Variants in UBE2O observed in about 807,000 individuals in gnomAD.
The protein encoded by UBE2O is (E3-independent) E2 ubiquitin-conjugating enzyme.
A neutral mutation model predicts 125.8 loss-of-function variants in UBE2O; 15 were observed. The ratio of observed to expected loss-of-function variants is 0.12; its 90% CI spans 0.08 to 0.18. UBE2O has a LOEUF of 0.18. UBE2O is among the 10% of genes least tolerant of loss of function. The pLI, the probability that UBE2O is intolerant of heterozygous loss-of-function variation, is 1.00. For missense variants in UBE2O, 1,280 were observed against 1,723.6 expected (o/e 0.74, Z 4.56); for synonymous variants, 708 against 703.2 (o/e 1.01, Z -0.11).
intron 1 of UBE2O, among the ~76,000 whole-genome samples, chr17:76,409,065 T>A (rs998375935): frequency 2.0e-5 from 3 of 151,294 alleles, no homozygotes; most frequent in Non-Finnish European, 2.9e-5. Flanking sequence ...GCCTCCCGGG[T>A]TCACGCCATC....
chr17:76,423,865 A>G (rs1376964897), intron 1 of UBE2O, among the ~76,000 whole-genome samples: 2 of 145,200 alleles, frequency 1.4e-5, no homozygotes, highest in Non-Finnish European at 3.0e-5. Flanking sequence ...TCTTCACACC[A>G]GGTGGCTCTC....
intron 1 of UBE2O, among the ~76,000 whole-genome samples, chr17:76,444,167 G>A (rs968705531): frequency 3.3e-5 from 5 of 152,212 alleles, no homozygotes; most frequent in African/African-American, 1.2e-4. Flanking sequence ...GTTGCAGTGA[G>A]CCAAGGTTGC....
chr17:76,394,177 C>T (rs760677574), intron 15 of UBE2O, among the ~76,000 whole-genome samples: 12 of 152,124 alleles, frequency 7.9e-5, no homozygotes, highest in African/African-American at 2.4e-5. Context: ...CTTGGCTGCT[C>T]TCAGGATCGC....
chr17:76,396,317 C>T lies in UBE2O; in HGVS notation c.2620G>A (p.Val874Ile). Residue 874 changes from valine (V) to isoleucine (I), a missense_variant, in exon 14 of 18, where the codon GTA becomes ATA. Val to Ile is a conservative substitution (Grantham distance 29). Coordinates refer to ENST00000319380, the MANE Select transcript of UBE2O (RefSeq NM_022066.4). This position sits in a 1 kb window ranked among gnomAD's most constrained non-coding sequence, Gnocchi z 6.7. ...LKKTLDNVAI[V>I]EEEKMEAVPD... ...ACTGCTTCCATCTTCTCCTCCTCTA[C>T]AATGGCCACATTGTCCAGGGTCTTC... is the stretch of plus-strand genomic sequence containing the variant. 1 of 1,614,250 alleles carries T rather than the reference C, an allele frequency of 6.2e-7. No individual in the cohort carries two copies. Among genetic ancestry groups the T allele is most frequent in the Non-Finnish European group, 8.5e-7 (1 of 1,180,048 alleles).
chr17:76,396,631 G>C lies in UBE2O; in HGVS notation c.2306C>G (p.Pro769Arg). 6.2e-7 allele frequency: 1 copy of C among 1,613,202 alleles called. No individual in the cohort carries two copies. The change falls in exon 14 of 18, where the codon CCT (proline) becomes CGT (arginine). Residue 769 changes from proline to arginine, a missense_variant. Coordinates refer to ENST00000319380, the MANE Select transcript of UBE2O (RefSeq NM_022066.4). The surrounding 1 kb of genome is among the most constrained non-coding windows in gnomAD (Gnocchi z 6.7). ...PIPPLEQPVA[P>R]EDKGVVISEE... Reference sequence around the variant, plus strand: ...ACTGATCACCACTCCCTTGTCCTCAGGGGCCACCGGCTGCTCCAGGGGTGG... The same window carrying C: ...ACTGATCACCACTCCCTTGTCCTCACGGGCCACCGGCTGCTCCAGGGGTGG...
intron 1 of UBE2O, among the ~76,000 whole-genome samples, chr17:76,436,794 G>A (rs933113267): frequency 2.6e-5 from 4 of 152,156 alleles, no homozygotes; most frequent in Non-Finnish European, 5.9e-5. Context: ...TTAGGACAGA[G>A]TATAAAATGG....
intron 1 of UBE2O, among the ~76,000 whole-genome samples, chr17:76,415,868 T>TACATACAC (rs2072595465): frequency 6.6e-5 from 10 of 151,742 alleles, no homozygotes; most frequent in Admixed American, 6.6e-4. Flanking sequence ...TATACATACA[T>TACATACAC]GTATATACAA....
At chr17:76,418,202 A>AT (rs752465640) in intron 1 of UBE2O, among the ~76,000 whole-genome samples, 4 of 152,200 alleles carry the variant, frequency 2.6e-5, no homozygotes, top group Non-Finnish European at 4.4e-5. Flanking sequence ...CCTTCTGACA[A>AT]TGTTTTCTAT....
At chr17:76,429,541 C>CA (rs61081315) in intron 1 of UBE2O, among the ~76,000 whole-genome samples, 22,896 of 71,748 alleles carry the variant, frequency 0.32, 4,143 homozygotes, top group Non-Finnish European at 0.42. Flanking sequence ...GACTCTGTCT[C>CA]AAAAAAAAAA....
rs1238361677 is a variant in UBE2O, at chr17:76,446,461, AC to A, written c.417+6263del. 6.7e-5 allele frequency among the ~76,000 whole-genome samples: 8 copies of A among 119,140 alleles called. No homozygotes were observed. In the East Asian group the frequency reaches 2.1e-3, roughly 32 times the overall value. The allele number at this position is 119,140 out of a possible 152,430, so 78.2% of individuals were successfully genotyped here. A position where few individuals can be genotyped will look rare whatever the true frequency, so the allele number is the denominator to read the frequency against. On this transcript the variant is annotated intron_variant, in intron 1 of 17. Coordinates refer to ENST00000319380, the MANE Select transcript of UBE2O (RefSeq NM_022066.4). ...CAGGAAAATGAAAAAACAAAAACAA[AC>A]AAAAAAAAAAACCAAACAAACAAAA...
Position 76,402,518 on chromosome 17 carries a change from C to A in UBE2O, c.686+84G>T. ...CTTGATCAAACCTGTCATCACTGTC[C>A]CCAGGAGGAAACACCCTCCTCCTCC... is the stretch of plus-strand genomic sequence containing the variant. On this transcript the variant is annotated intron_variant, in intron 4 of 17. Transcript: ENST00000319380. The surrounding 1 kb of genome is among the most constrained non-coding windows in gnomAD (Gnocchi z 5.4). 8.4e-7 allele frequency: 1 copy of A among 1,184,928 alleles called. No homozygotes were observed. The highest frequency in any genetic ancestry group is 1.3e-6 in the Non-Finnish European group (1 of 793,180). 73.4% of individuals were successfully genotyped at this position (1,184,928 alleles called of 1,614,324 possible).
intron 1 of UBE2O, among the ~76,000 whole-genome samples, chr17:76,438,016 C>T (rs1454244979): frequency 1.6e-4 from 25 of 152,122 alleles, no homozygotes; most frequent in Admixed American, 1.6e-3. Context: ...ATCTCCCTCC[C>T]CACTCCTCTG....
Position 76,398,634 on chromosome 17 carries a change from G to A in UBE2O, c.1784-50C>T, listed in dbSNP as rs1030963163. The A allele has an allele frequency of 5.7e-6, 9 of 1,582,800 alleles. No homozygotes were observed. Among genetic ancestry groups the A allele is most frequent in the Non-Finnish European group, 7.8e-6 (9 of 1,154,206 alleles). On this transcript the variant is annotated intron_variant, in intron 10 of 17. Coordinates refer to ENST00000319380, the MANE Select transcript of UBE2O (RefSeq NM_022066.4). The surrounding 1 kb of genome is among the most constrained non-coding windows in gnomAD (Gnocchi z 5.4). ...GACTAGCTAAGGGATCCCGGCTAAG[G>A]AGCCCACATCTCAAGCCAGTGCAGA... is the stretch of plus-strand genomic sequence containing the variant.
At chr17:76,428,211 G>A (rs76160849) in intron 1 of UBE2O, among the ~76,000 whole-genome samples, 4,741 of 152,186 alleles carry the variant, frequency 0.031, 112 homozygotes, top group South Asian at 0.08. Flanking sequence ...TATGTGACCC[G>A]TTTTTGCTCT....
At chr17:76,411,512 G>A (rs912285393) in intron 1 of UBE2O, among the ~76,000 whole-genome samples, 3 of 152,182 alleles carry the variant, frequency 2.0e-5, no homozygotes, top group African/African-American at 7.2e-5. Context: ...GGGCCTGCAT[G>A]GAGCCTAAGC....
rs2143726416 is a variant in UBE2O at position 76,404,653 on chromosome 17, C to G, written c.588+553G>C. 1.3e-5 allele frequency among the ~76,000 whole-genome samples: 2 copies of G among 152,296 alleles called. No homozygotes were observed. The highest frequency in any genetic ancestry group is 2.9e-5 in the Non-Finnish European group (2 of 68,018). ...ATCTGGGGGTTATATGGTGGTTGCA[C>G]AGGAGGCTGTCCTCATTTTTGGAAA... On this transcript the variant is annotated intron_variant, in intron 3 of 17. Coordinates refer to ENST00000319380, the MANE Select transcript of UBE2O (RefSeq NM_022066.4). The surrounding 1 kb of genome is among the most constrained non-coding windows in gnomAD (Gnocchi z 4.3).
rs2072353460 is a variant in UBE2O, at chr17:76,402,914, G to C, written c.589-215C>G. On this transcript the variant is annotated intron_variant, in intron 3 of 17. Coordinates refer to ENST00000319380, the MANE Select transcript of UBE2O (RefSeq NM_022066.4). The surrounding 1 kb of genome is among the most constrained non-coding windows in gnomAD (Gnocchi z 5.4). ...AGCTGCTCTTCCCAGTGAGGAGGAA[G>C]TGGTGGTGGTGGTGGGGCTGCCTGG... 1.3e-5 allele frequency among the ~76,000 whole-genome samples: 2 copies of C among 152,128 alleles called. No individual in the cohort carries two copies. The highest frequency in any genetic ancestry group is 2.9e-5 in the Non-Finnish European group (2 of 68,030).
rs1333381179 is a variant in UBE2O at position 76,402,054 on chromosome 17, A to G, written c.750+10T>C. 6.2e-7 allele frequency: 1 copy of G among 1,613,280 alleles called. No homozygotes were observed. Among genetic ancestry groups the G allele is most frequent in the South Asian group, 1.1e-5 (1 of 91,040 alleles). On this transcript the variant is annotated intron_variant, in intron 5 of 17. Coordinates refer to ENST00000319380, the MANE Select transcript of UBE2O (RefSeq NM_022066.4). The surrounding 1 kb of genome is among the most constrained non-coding windows in gnomAD (Gnocchi z 5.4). Reference sequence around the variant, plus strand: ...CAGAGAAGGGTGCTGGCCTGGATGGAGCACACTACCGAGTCGCTGACGTGC... The same window carrying G: ...CAGAGAAGGGTGCTGGCCTGGATGGGGCACACTACCGAGTCGCTGACGTGC...
At position 76,452,100 on chromosome 17, in the gene UBE2O, C is replaced by T. The variant is rs191887743; in HGVS notation, c.417+625G>A. ...GGTCGCAGCTGTCAGAATCCTCCCC[C>T]CCAAGTACTATTCATACCGGGGCTC... On this transcript the variant is annotated intron_variant, in intron 1 of 17. Coordinates refer to ENST00000319380, the MANE Select transcript of UBE2O (RefSeq NM_022066.4). This position sits in a 1 kb window ranked among gnomAD's most constrained non-coding sequence, Gnocchi z 4.4. 3.4e-4 allele frequency among the ~76,000 whole-genome samples: 51 copies of T among 152,144 alleles called. No homozygotes were observed. Among genetic ancestry groups the T allele is most frequent in the African/African-American group, 1.1e-3 (47 of 41,496 alleles).
Sources: allele counts gnomAD v4.1 joint callset (sites outside exome capture counted in the v4.1 genomes callset), GRCh38; gene constraint gnomAD v4.1.1; non-coding constraint Gnocchi (gnomAD v3.1); transcripts MANE v1.5; gene names NCBI Gene and HGNC (gene_info 2026-07-23, HGNC 2026-07-21).